The following NFIB variants were observed in gnomAD, a reference collection of about 807,000 sequenced individuals.
NFIB encodes nuclear factor I B, also known as nuclear factor 1 B-type.
NFIB carries 11 observed loss-of-function variants against 61.5 expected under a neutral mutation model. The observed-to-expected ratio is 0.18, with a 90% confidence interval of 0.11 to 0.30. The LOEUF is 0.30. Among genes scored for constraint, NFIB ranks in the 10% least tolerant of loss-of-function variants. The pLI is 1.00. For missense variants in NFIB, 471 were observed against 608.9 expected, an observed-to-expected ratio of 0.77 and a Z score of 2.38; for synonymous variants, 260 against 216.5, an observed-to-expected ratio of 1.20 and a Z score of -1.76.
At chr9:14,427,673 A>T in the NFIB span, among the ~76,000 whole-genome samples, 1 of 152,106 alleles carries the variant, frequency 6.6e-6, no homozygotes, top group Admixed American at 6.5e-5. Flanking sequence ...TAGCACAAGG[A>T]ATAGAGAGCT....
At chr9:14,187,005 C>CTGTGTGTGTG (rs762584581) in intron 2 of NFIB, among the ~76,000 whole-genome samples, 11 of 64,058 alleles carry the variant, frequency 1.7e-4, no homozygotes, top group South Asian at 6.6e-4. Context: ...TTCTTCGCTC[C>CTGTGTGTGTG]TGTGTGTGTG....
At chr9:14,410,161 C>G in the NFIB span, among the ~76,000 whole-genome samples, 1 of 151,514 alleles carries the variant, frequency 6.6e-6, no homozygotes, top group Non-Finnish European at 1.5e-5. Context: ...ACAATCCTAC[C>G]CTTCTCTGAG....
intron 7 of NFIB, among the ~76,000 whole-genome samples, chr9:14,123,735 C>T (rs984645842): frequency 2.0e-5 from 3 of 152,060 alleles, no homozygotes; most frequent in Non-Finnish European, 4.4e-5. Flanking sequence ...GTTTGCCTCT[C>T]TGCCTCCCAG....
intron 2 of NFIB, among the ~76,000 whole-genome samples, chr9:14,216,208 TA>T (rs1238318262): frequency 2.0e-5 from 3 of 152,202 alleles, no homozygotes; most frequent in African/African-American, 2.4e-5. Flanking sequence ...TTTCCTAAAA[TA>T]AATTTAATGA....
intron 2 of NFIB, among the ~76,000 whole-genome samples, chr9:14,301,629 T>C (rs902287228): frequency 1.3e-5 from 2 of 151,002 alleles, no homozygotes; most frequent in Non-Finnish European, 2.9e-5. Flanking sequence ...TCATATTAAC[T>C]GCAATGCAAG....
the NFIB span, among the ~76,000 whole-genome samples, chr9:14,443,373 C>G: frequency 1.3e-5 from 2 of 152,270 alleles, no homozygotes; most frequent in South Asian, 2.1e-4. Context: ...AATTAGCTAT[C>G]CAGCCTCTTC....
upstream of NFIB, among the ~76,000 whole-genome samples, chr9:14,315,594 G>A (rs941306773): frequency 6.2e-5 from 9 of 145,294 alleles, no homozygotes; most frequent in South Asian, 1.7e-3. Context: ...GAGGCTGCGG[G>A]CCCTGAGCCG....
chr9:14,217,491 T>G (rs776158876), intron 2 of NFIB, among the ~76,000 whole-genome samples: 9 of 151,984 alleles, frequency 5.9e-5, no homozygotes, highest in African/African-American at 2.2e-4. Flanking sequence ...AGAAACCTTG[T>G]GTCTACTAAA....
chr9:14,428,908 A>G, the NFIB span, among the ~76,000 whole-genome samples: 2 of 152,134 alleles, frequency 1.3e-5, no homozygotes, highest in East Asian at 3.9e-4. Flanking sequence ...AAAAAAACAG[A>G]AAGAAAGAAA....
intron 2 of NFIB, among the ~76,000 whole-genome samples, chr9:14,191,886 T>G (rs1268717029): frequency 6.6e-6 from 1 of 152,224 alleles, no homozygotes; most frequent in African/African-American, 2.4e-5. Flanking sequence ...AAACTGACAT[T>G]GCCTTCCAAT....
chr9:14,111,149 T>G (rs2037303767), intron 10 of NFIB, among the ~76,000 whole-genome samples: 1 of 152,138 alleles, frequency 6.6e-6, no homozygotes, highest in Non-Finnish European at 1.5e-5. Context: ...GAACTCATAG[T>G]TTTTAAAATA....
chr9:14,389,724 C>T (rs748579657), intron 1 of NFIB, among the ~76,000 whole-genome samples: 3 of 151,064 alleles, frequency 2.0e-5, no homozygotes, highest in Non-Finnish European at 4.4e-5. Flanking sequence ...GAACAGTAAT[C>T]AGTGTGGCCT....
intron 2 of NFIB, among the ~76,000 whole-genome samples, chr9:14,206,971 A>T (rs1369964321): frequency 6.6e-6 from 1 of 152,190 alleles, no homozygotes; most frequent in Non-Finnish European, 1.5e-5. Context: ...ATGTGCTTAC[A>T]ATGTTAGCTT....
chr9:14,248,818 A>C (rs1013035019), intron 2 of NFIB, among the ~76,000 whole-genome samples: 3 of 152,302 alleles, frequency 2.0e-5, no homozygotes, highest in Non-Finnish European at 4.4e-5. Context: ...TTTCCTCCCC[A>C]CTGGGTTTGC....
the NFIB span, chr9:14,532,072 C>G: frequency 3.3e-5 from 5 of 152,324 alleles, no homozygotes; most frequent in Admixed American, 6.6e-5. Context: ...GATAAGACAC[C>G]TAATCAAGAA....
chr9:14,269,475 T>C (rs2057443897), intron 2 of NFIB, among the ~76,000 whole-genome samples: 1 of 152,196 alleles, frequency 6.6e-6, no homozygotes, highest in South Asian at 2.1e-4. Flanking sequence ...AAAGTGCTAC[T>C]AATCAACAGA....
intron 9 of NFIB, among the ~76,000 whole-genome samples, chr9:14,114,499 G>T (rs540401000): frequency 7.7e-4 from 117 of 152,266 alleles, no homozygotes; most frequent in African/African-American, 2.6e-3. Flanking sequence ...CTACAAGCTT[G>T]TTTATAGGAA....
At chr9:14,164,102 T>A (rs982726895) in intron 3 of NFIB, among the ~76,000 whole-genome samples, 1 of 150,716 alleles carries the variant, frequency 6.6e-6, no homozygotes, top group African/African-American at 2.4e-5. Context: ...AAGCTGAAAT[T>A]AACAGAATAG....
At chr9:14,249,141 G>C (rs563709678) in intron 2 of NFIB, among the ~76,000 whole-genome samples, 2 of 152,274 alleles carry the variant, frequency 1.3e-5, no homozygotes, top group East Asian at 3.9e-4. Context: ...TTAGTGATAA[G>C]AAATACCTTT....
Sources: allele counts gnomAD v4.1 joint callset (sites outside exome capture counted in the v4.1 genomes callset), GRCh38; gene constraint gnomAD v4.1.1; transcripts MANE v1.5; gene names NCBI Gene and HGNC (gene_info 2026-07-23, HGNC 2026-07-21).